The following LOXHD1 variants were observed in gnomAD, a reference collection of about 807,000 sequenced individuals.
LOXHD1 encodes lipoxygenase homology domain-containing protein 1.
LOXHD1 carries 205 observed loss-of-function variants against 248.2 expected under a neutral mutation model. The ratio of observed to expected loss-of-function variants is 0.83; its 90% CI spans 0.74 to 0.93. The LOEUF (loss-of-function observed/expected upper bound fraction) is 0.93. Ranked by LOEUF, LOXHD1 falls within the 40% of genes least tolerant of loss-of-function variation. LOXHD1 has a pLI of 0.00. For missense variants in LOXHD1, 2,930 were observed against 2,971.6 expected (o/e 0.99, Z 0.33); for synonymous variants, 1,113 against 1,162.8 (o/e 0.96, Z 0.87).
At chr18:46,644,828 T>C (rs328174) in intron 2 of LOXHD1, among the ~76,000 whole-genome samples, 88,902 of 152,014 alleles carry the variant, frequency 0.58, 26,062 homozygotes, top group Non-Finnish European at 0.6. Flanking sequence ...CACCATGGCA[T>C]GGCGCTTTAT....
Position 46,560,502 on chromosome 18 carries a change from C to T in LOXHD1, c.2642G>A (p.Gly881Glu), listed in dbSNP as rs1015992900. 2.0e-6 allele frequency: 3 copies of T among 1,537,280 alleles called. No homozygotes were observed. Among genetic ancestry groups the T allele is most frequent in the Admixed American group, 3.9e-5 (2 of 50,960 alleles). ...DVGEVYKLRLGHTGEGFGPSW... is the reference protein window; with the variant it reads ...DVGEVYKLRLEHTGEGFGPSW... Reference sequence around the variant, plus strand: ...GGGCCCAAAGCCCTCGCCCGTGTGCCCGAGCCGGAGCTTATAGACCTCGCC... The same window carrying T: ...GGGCCCAAAGCCCTCGCCCGTGTGCTCGAGCCGGAGCTTATAGACCTCGCC... The change falls in exon 19 of 41, where the codon GGG (glycine) becomes GAG (glutamate). Residue 881 changes from glycine (G) to glutamate (E), a missense_variant. By Grantham distance (98) the Gly-to-Glu change is moderately conservative (BLOSUM62 -2). Coordinates refer to ENST00000642948, the MANE Select transcript of LOXHD1 (RefSeq NM_001384474.1).
Position 46,524,585 on chromosome 18 carries a change from C to T in LOXHD1, c.4757G>A (p.Arg1586His), listed in dbSNP as rs369890906. The T allele has an allele frequency of 1.2e-5, 18 of 1,551,594 alleles. No homozygotes were observed. The highest frequency in any genetic ancestry group is 5.9e-5 in the Admixed American group (3 of 50,988). Residue 1586 changes from arginine to histidine, a missense_variant, in exon 31 of 41, where the codon CGC becomes CAC. Transcript: ENST00000642948. ...LFYEKEYTGD[R>H]SSNCSSPADF... ...AGCAGGGCTGCTGCAGTTGCTGCTGCGGTCCCCAGTGTACTCCTGTGTGGG... is the reference window on the plus strand; with the variant it reads ...AGCAGGGCTGCTGCAGTTGCTGCTGTGGTCCCCAGTGTACTCCTGTGTGGG...
At chr18:46,647,042 C>A (rs1326200479) in intron 2 of LOXHD1, among the ~76,000 whole-genome samples, 1 of 152,242 alleles carries the variant, frequency 6.6e-6, no homozygotes, top group African/African-American at 2.4e-5. Flanking sequence ...GGGGCCCTGG[C>A]CAGACCTATG....
intron 37 of LOXHD1, among the ~76,000 whole-genome samples, chr18:46,497,235 G>GGT (rs2033929197): frequency 2.0e-5 from 3 of 152,192 alleles, no homozygotes; most frequent in Admixed American, 1.3e-4. Context: ...TATCCAAAGT[G>GGT]GTGGTGGGGT....
chr18:46,574,419 A>ACACACACACACACACACACACACC (rs1357990413), intron 14 of LOXHD1, among the ~76,000 whole-genome samples: 6 of 148,922 alleles, frequency 4.0e-5, no homozygotes, highest in African/African-American at 1.3e-4. Flanking sequence ...ACACACACAC[A>ACACACACACACACACACACACACC]CCTGATCCTA....
In LOXHD1 at chr18:46,541,851, C is replaced by A. The variant is rs868341351; in HGVS notation, c.3838G>T (p.Ala1280Ser). 2.6e-6 allele frequency: 4 copies of A among 1,551,724 alleles called. No homozygotes were observed. The highest frequency in any genetic ancestry group is 3.5e-6 in the Non-Finnish European group (4 of 1,146,998). Residue 1280 changes from alanine to serine, a missense_variant, in exon 25 of 41, where the codon GCC (alanine) becomes TCC (serine). Transcript: ENST00000642948. ...ATGGACCCGTCGTCTTCGTTTTTGG[C>A]CAGCCAGCGGCCACAGGGAAACGTC... ...CMTFPCGRWL[A>S]KNEDDGSIIR...
intron 2 of LOXHD1, among the ~76,000 whole-genome samples, chr18:46,647,102 A>G (rs2039040915): frequency 6.6e-6 from 1 of 152,130 alleles, no homozygotes; most frequent in South Asian, 2.1e-4. Flanking sequence ...AGAGACTACC[A>G]CCAGTCTCTG....
chr18:46,538,882 TG>T (rs1166115728), intron 25 of LOXHD1, among the ~76,000 whole-genome samples: 10 of 152,282 alleles, frequency 6.6e-5, no homozygotes, highest in Middle Eastern at 3.4e-3. Context: ...TGCTCCCAGA[TG>T]GCCTGCCTGC....
At chr18:46,651,651 TA>T (rs568039573) in intron 1 of LOXHD1, among the ~76,000 whole-genome samples, 9 of 151,222 alleles carry the variant, frequency 6.0e-5, no homozygotes, top group African/African-American at 1.5e-4. Context: ...CACAAACCAT[TA>T]AAAAAAACTG....
intron 4 of LOXHD1, among the ~76,000 whole-genome samples, chr18:46,619,016 C>T (rs961256185): frequency 2.0e-5 from 3 of 152,140 alleles, no homozygotes; most frequent in Non-Finnish European, 4.4e-5. Context: ...GCTTGGTAAA[C>T]TTGACATGAT....
intron 37 of LOXHD1, among the ~76,000 whole-genome samples, chr18:46,505,321 C>T (rs944047516): frequency 2.6e-5 from 4 of 152,130 alleles, no homozygotes; most frequent in Admixed American, 1.3e-4. Context: ...GATGGGACCA[C>T]GGGTGCATGC....
chr18:46,512,176 T>C (rs2035000887), intron 34 of LOXHD1, among the ~76,000 whole-genome samples: 1 of 152,148 alleles, frequency 6.6e-6, no homozygotes, highest in African/African-American at 2.4e-5. Flanking sequence ...ATTACAGATA[T>C]GCACTTCCCC....
intron 4 of LOXHD1, among the ~76,000 whole-genome samples, chr18:46,630,569 A>T (rs1324631323): frequency 6.6e-6 from 1 of 152,210 alleles, no homozygotes; most frequent in Non-Finnish European, 1.5e-5. Flanking sequence ...GCCTTGCCTA[A>T]CTCAGATGTC....
At chr18:46,635,067 C>A (rs2038875819) in intron 4 of LOXHD1, among the ~76,000 whole-genome samples, 1 of 151,946 alleles carries the variant, frequency 6.6e-6, no homozygotes, top group Admixed American at 6.6e-5. Flanking sequence ...CTAGTAGGTA[C>A]CTTCTTGGGA....
chr18:46,606,481 G>A (rs2038415181), intron 6 of LOXHD1, among the ~76,000 whole-genome samples: 1 of 152,146 alleles, frequency 6.6e-6, no homozygotes, highest in Non-Finnish European at 1.5e-5. Flanking sequence ...ATGATGGGTT[G>A]CAGTCCAAAC....
chr18:46,506,193 C>G (rs958668565), intron 36 of LOXHD1, among the ~76,000 whole-genome samples, 170 bp from the exon 37 acceptor site: 3 of 152,140 alleles, frequency 2.0e-5, no homozygotes, highest in African/African-American at 4.8e-5. Context: ...TGTCCCAGGT[C>G]TCCAATTCTC....
intron 38 of LOXHD1, among the ~76,000 whole-genome samples, chr18:46,486,381 C>A (rs1175530196): frequency 1.3e-5 from 2 of 152,178 alleles, no homozygotes; most frequent in African/African-American, 2.4e-5. Flanking sequence ...CCTCAGCCAC[C>A]CTTTTGCCTC....
At chr18:46,611,232 T>C (rs1599048576) in intron 5 of LOXHD1, among the ~76,000 whole-genome samples, 1 of 152,328 alleles carries the variant, frequency 6.6e-6, no homozygotes, top group East Asian at 1.9e-4. Flanking sequence ...GCCAGTTGCT[T>C]GTCCTGAATT....
rs1231524825 is a variant in LOXHD1 at position 46,506,041 on chromosome 18, T to A, written c.5693-18A>T. The A allele has an allele frequency of 2.6e-6, 4 of 1,551,652 alleles. No homozygotes were observed. The Admixed American group carries it at 5.9e-5, about 23-fold the overall frequency. ...GCCTGCTCCTGGGGGGTGCACAAGGTGAGGCTTAGGGTGCCAGCCTCTTTG... is the reference window on the plus strand; with the variant it reads ...GCCTGCTCCTGGGGGGTGCACAAGGAGAGGCTTAGGGTGCCAGCCTCTTTG... On this transcript the variant is annotated intron_variant, in intron 36 of 40. Transcript: ENST00000642948.
Sources: gnomAD v4.1 joint callset for allele counts (sites outside exome capture counted in the v4.1 genomes callset) on GRCh38, gnomAD v4.1.1 for gene constraint, MANE v1.5 for transcripts, NCBI Gene and HGNC (gene_info 2026-07-23, HGNC 2026-07-21) for gene names.